Variants in ATP13A5 observed in about 807,000 individuals in gnomAD.
ATP13A5 encodes the protein probable cation-transporting ATPase 13A5.
In ATP13A5, 149 loss-of-function variants were observed where a neutral mutation model predicts 150.2. That is an observed-to-expected ratio of 0.99 (90% confidence interval 0.87 to 1.14). The LOEUF is 1.14. Ranked by LOEUF, ATP13A5 falls within the 50% of genes most tolerant of loss-of-function variation. ATP13A5 has a pLI of 0.00. For synonymous variants in ATP13A5, 497 were observed against 522.2 expected, an observed-to-expected ratio of 0.95 and a Z score of 0.66; for missense variants, 1,383 against 1,449.3, an observed-to-expected ratio of 0.95 and a Z score of 0.74.
Position 193,363,352 on chromosome 3 carries a change from C to T in ATP13A5, c.268G>A (p.Val90Ile), listed in dbSNP as rs1713114582. The T allele has an allele frequency of 6.2e-7, 1 of 1,612,422 alleles. No homozygotes were observed. The highest frequency in any genetic ancestry group is 8.5e-7 in the Non-Finnish European group (1 of 1,179,322). ...DEFQRYMRKK[V>I]FCLYLSTLKF... is the part of the protein sequence containing the mutation. The stretch of plus-strand genomic sequence containing the variant: ...AGTGTGGATAAGTAGAGGCAGAATA[C>T]CTTCTTCCTCATATATCTTTGAAAT... Residue 90 changes from valine to isoleucine, a missense_variant, in exon 3 of 30, where the codon GTA becomes ATA. Val to Ile is a conservative substitution (Grantham distance 29, BLOSUM62 3). This residue lies in a region of ATP13A5 where 787 missense variants were observed against 771.9 expected (regional missense o/e 1.02). Transcript: ENST00000342358.
Position 193,334,994 on chromosome 3 carries a change from C to G in ATP13A5, c.1049G>C (p.Gly350Ala), listed in dbSNP as rs1711796778. 1 of 1,613,942 alleles carries G rather than the reference C, an allele frequency of 6.2e-7. No homozygotes were observed. Among genetic ancestry groups the G allele is most frequent in the African/African-American group, 1.3e-5 (1 of 75,044 alleles). Reference protein sequence around the residue: ...EDYRKHVLFCGTEVIQVKPSG... With the variant: ...EDYRKHVLFCATEVIQVKPSG... ...GGGCTTGACCTGGATAACTTCTGTTCCACAGAAAAGGACGTGTTTCCTATA... is the reference window on the plus strand; with the variant it reads ...GGGCTTGACCTGGATAACTTCTGTTGCACAGAAAAGGACGTGTTTCCTATA... The change falls in exon 10 of 30, where the codon GGA becomes GCA. Residue 350 changes from glycine (G) to alanine (A), a missense_variant. Coordinates refer to ENST00000342358, the MANE Select transcript of ATP13A5 (RefSeq NM_198505.4).
At chr3:193,370,760 C>T (rs1402086417) in intron 1 of ATP13A5, among the ~76,000 whole-genome samples, 1 of 152,076 alleles carries the variant, frequency 6.6e-6, no homozygotes, top group Non-Finnish European at 1.5e-5. Flanking sequence ...TAATTCTCAC[C>T]ACAACCCTAT....
chr3:193,341,664 C>T (rs1403393914), intron 9 of ATP13A5, among the ~76,000 whole-genome samples: 2 of 152,144 alleles, frequency 1.3e-5, no homozygotes, highest in East Asian at 3.8e-4. Context: ...CATCTTAGGA[C>T]AGTCAGACAA....
chr3:193,276,691 C>T, intron 29 of ATP13A5, 59 bp downstream of exon 29: 2 of 1,257,758 alleles, frequency 1.6e-6, no homozygotes, highest in Non-Finnish European at 1.1e-6. Context: ...TAAGCACCTG[C>T]TGAAAATGAG....
chr3:193,302,402 G>A (rs191454871), intron 23 of ATP13A5, among the ~76,000 whole-genome samples: 14 of 152,120 alleles, frequency 9.2e-5, no homozygotes, highest in African/African-American at 3.4e-4. Flanking sequence ...AGTATGGATC[G>A]TTTTCCCAAG....
chr3:193,307,697 A>G (rs959389306), intron 21 of ATP13A5, among the ~76,000 whole-genome samples: 8 of 152,276 alleles, frequency 5.3e-5, no homozygotes, highest in African/African-American at 1.9e-4. Context: ...AGTCATGAGC[A>G]GAGCACTTCC....
At chr3:193,323,713 A>G (rs1421573616) in intron 14 of ATP13A5, 5 of 152,228 alleles carry the variant, frequency 3.3e-5, no homozygotes, top group Non-Finnish European at 7.3e-5. Context: ...GTTTTTCCAC[A>G]GCAAATGCTC....
At chr3:193,306,147 G>A (rs1445226415) in intron 22 of ATP13A5, among the ~76,000 whole-genome samples, 1 of 151,168 alleles carries the variant, frequency 6.6e-6, no homozygotes, top group Non-Finnish European at 1.5e-5. Context: ...TATATCTGTA[G>A]TTCCACAGAA....
At position 193,290,066 on chromosome 3, in the gene ATP13A5, G is replaced by A; in HGVS notation, c.2849-7C>T. The A allele has an allele frequency of 1.3e-6, 2 of 1,590,212 alleles. No homozygotes were observed. The highest frequency in any genetic ancestry group is 1.2e-5 in the South Asian group (1 of 86,630). On this transcript the variant is annotated splice_region_variant and splice_polypyrimidine_tract_variant and intron_variant, in intron 25 of 29. Coordinates refer to ENST00000342358, the MANE Select transcript of ATP13A5 (RefSeq NM_198505.4). Reference sequence around the variant, plus strand: ...TAGGCATGAGTTGAACTCACTGAAAGACAAATACATTTTTTTCCTATTACA... The same window carrying A: ...TAGGCATGAGTTGAACTCACTGAAAAACAAATACATTTTTTTCCTATTACA...
chr3:193,365,494 CCT>C (rs777553413), intron 1 of ATP13A5, among the ~76,000 whole-genome samples: 10 of 152,084 alleles, frequency 6.6e-5, no homozygotes, highest in Admixed American at 1.3e-4. Context: ...TATTGGTTCT[CCT>C]CTTTCTCTTT....
intron 1 of ATP13A5, among the ~76,000 whole-genome samples, chr3:193,368,422 G>GTGTGTGTGTGTGTGT (rs10686496): frequency 1.3e-5 from 2 of 150,854 alleles, no homozygotes; most frequent in African/African-American, 2.4e-5. Context: ...GTGTGTGTGT[G>GTGTGTGTGTGTGTGT]GTAATTGACA....
intron 5 of ATP13A5, among the ~76,000 whole-genome samples, chr3:193,362,017 T>A (rs1242380522): frequency 6.6e-6 from 1 of 152,146 alleles, no homozygotes; most frequent in East Asian, 1.9e-4. Flanking sequence ...TTCTTCAGAA[T>A]AAAATGCAAT....
chr3:193,289,233 G>A (rs931267251), intron 26 of ATP13A5, among the ~76,000 whole-genome samples: 1 of 152,056 alleles, frequency 6.6e-6, no homozygotes, highest in Non-Finnish European at 1.5e-5. Context: ...AGCCATCGGC[G>A]CTATAGCCTA....
intron 19 of ATP13A5, 36 bp downstream of exon 19, chr3:193,313,997 C>G: frequency 6.2e-7 from 1 of 1,607,868 alleles, no homozygotes; most frequent in Non-Finnish European, 8.5e-7. Flanking sequence ...TTCCATCAGT[C>G]TAGGCCCACG....
At chr3:193,337,173 C>T (rs1711910014) in intron 9 of ATP13A5, among the ~76,000 whole-genome samples, 1 of 152,096 alleles carries the variant, frequency 6.6e-6, no homozygotes, top group South Asian at 2.1e-4. Context: ...AAAATTTTCT[C>T]CCATTCTCTA....
intron 25 of ATP13A5, among the ~76,000 whole-genome samples, chr3:193,297,106 C>T (rs1718203920): frequency 1.3e-5 from 2 of 152,026 alleles, no homozygotes; most frequent in Admixed American, 6.6e-5. Context: ...TGCACATGTA[C>T]CCTGGAACTT....
intron 15 of ATP13A5, 147 bp downstream of exon 15, chr3:193,322,344 A>G (rs1219600544): frequency 2.9e-6 from 2 of 690,902 alleles, no homozygotes; most frequent in Non-Finnish European, 5.1e-6. Flanking sequence ...TTAATAGACA[A>G]ATTCGGAAAT....
chr3:193,318,001 A>T (rs1719115966), intron 17 of ATP13A5, among the ~76,000 whole-genome samples: 2 of 152,232 alleles, frequency 1.3e-5, no homozygotes, highest in Non-Finnish European at 2.9e-5. Context: ...GCTCAAGAAT[A>T]GCTAACACCT....
intron 16 of ATP13A5, among the ~76,000 whole-genome samples, chr3:193,320,028 G>C (rs915463824): frequency 3.3e-5 from 5 of 152,172 alleles, no homozygotes; most frequent in Admixed American, 2.6e-4. Context: ...CAACATTTGT[G>C]TGTTTTAGCA....
Sources: gnomAD v4.1 joint callset for allele counts (sites outside exome capture counted in the v4.1 genomes callset) on GRCh38, gnomAD v4.1.1 for gene constraint, gnomAD v4.1.1 regional missense constraint, MANE v1.5 for transcripts, NCBI Gene and HGNC (gene_info 2026-07-23, HGNC 2026-07-21) for gene names.